The following TMEM108 variants were observed in gnomAD, a reference collection of about 807,000 sequenced individuals.
TMEM108 encodes transmembrane protein 108.
Under a neutral mutation model 35.1 loss-of-function variants are expected in TMEM108, and 12 were observed. That is an observed-to-expected ratio of 0.34 (90% confidence interval 0.22 to 0.55). The LOEUF is 0.55. Among genes scored for constraint, TMEM108 ranks in the 20% least tolerant of loss-of-function variants. The pLI, the probability that TMEM108 is intolerant of heterozygous loss-of-function variation, is 0.89. For missense variants in TMEM108, 680 were observed against 753.3 expected, an observed-to-expected ratio of 0.90 and a Z score of 1.14; for synonymous variants, 287 against 308.6, an observed-to-expected ratio of 0.93 and a Z score of 0.73.
intron 2 of TMEM108, among the ~76,000 whole-genome samples, chr3:133,121,920 T>G (rs1440129166): frequency 6.6e-6 from 1 of 152,180 alleles, no homozygotes; most frequent in Non-Finnish European, 1.5e-5. Flanking sequence ...AAAAAAATAT[T>G]ATACCATGGT....
chr3:133,163,266 C>T (rs1944987167), intron 2 of TMEM108, among the ~76,000 whole-genome samples: 1 of 152,144 alleles, frequency 6.6e-6, no homozygotes, highest in Admixed American at 6.5e-5. Context: ...TCTCCATCCC[C>T]CCTAGAGTAA....
intron 3 of TMEM108, among the ~76,000 whole-genome samples, chr3:133,367,219 T>G (rs1382589846): frequency 6.6e-6 from 1 of 152,200 alleles, no homozygotes; most frequent in African/African-American, 2.4e-5. Flanking sequence ...TAGACCATAG[T>G]GTCATTCTCA....
intron 2 of TMEM108, among the ~76,000 whole-genome samples, chr3:133,094,239 C>CT (rs775145605): frequency 7.8e-6 from 1 of 127,852 alleles, no homozygotes. Flanking sequence ...CCCCACCCCC[C>CT]CCACACACAC....
chr3:133,295,578 C>G (rs1947133598), intron 3 of TMEM108, among the ~76,000 whole-genome samples: 1 of 152,142 alleles, frequency 6.6e-6, no homozygotes, highest in African/African-American at 2.4e-5. Flanking sequence ...TTCAGAAGAG[C>G]AGAAGTGTGC....
At chr3:133,086,052 T>C (rs1313036139) in intron 2 of TMEM108, among the ~76,000 whole-genome samples, 1 of 152,194 alleles carries the variant, frequency 6.6e-6, no homozygotes, top group Non-Finnish European at 1.5e-5. Flanking sequence ...GAAAGCACCA[T>C]TATTGCTTAC....
intron 2 of TMEM108, among the ~76,000 whole-genome samples, chr3:133,133,173 G>A (rs1217339348): frequency 9.5e-6 from 1 of 105,022 alleles, no homozygotes; most frequent in East Asian, 2.5e-4. Context: ...GCAGCAGCAG[G>A]GTTTGAGAGT....
chr3:133,319,034 G>A (rs991206551), intron 3 of TMEM108, among the ~76,000 whole-genome samples: 2 of 152,048 alleles, frequency 1.3e-5, no homozygotes, highest in African/African-American at 4.8e-5. Flanking sequence ...AGAGAGATTG[G>A]CCTCACCAAA....
chr3:133,113,667 T>C (rs4854691), intron 2 of TMEM108, among the ~76,000 whole-genome samples: 15,347 of 152,168 alleles, frequency 0.1, 962 homozygotes, highest in Admixed American at 0.17. Context: ...TGTCCTCACC[T>C]CAACCCACCC....
At chr3:133,213,393 T>C (rs955964776) in intron 2 of TMEM108, among the ~76,000 whole-genome samples, 1 of 152,250 alleles carries the variant, frequency 6.6e-6, no homozygotes, top group Non-Finnish European at 1.5e-5. Context: ...AGCTACTAAG[T>C]GGCAGGCCTG....
intron 2 of TMEM108, among the ~76,000 whole-genome samples, chr3:133,132,014 C>T (rs1207705465): frequency 6.6e-6 from 1 of 152,184 alleles, no homozygotes; most frequent in Non-Finnish European, 1.5e-5. Context: ...CTTTTCAACT[C>T]TCTGAAGGCT....
chr3:133,176,838 A>G (rs1945238757), intron 2 of TMEM108, among the ~76,000 whole-genome samples: 1 of 151,986 alleles, frequency 6.6e-6, no homozygotes, highest in Non-Finnish European at 1.5e-5. Context: ...AAGGAAATAG[A>G]GACACAAAAA....
chr3:133,374,941 A>C (rs551807749), intron 3 of TMEM108, among the ~76,000 whole-genome samples: 1 of 152,236 alleles, frequency 6.6e-6, no homozygotes, highest in African/African-American at 2.4e-5. Flanking sequence ...GAGAGCATAG[A>C]CTCTGCAGCC....
At chr3:133,105,252 G>C (rs1019944465) in intron 2 of TMEM108, among the ~76,000 whole-genome samples, 3 of 152,150 alleles carry the variant, frequency 2.0e-5, no homozygotes, top group South Asian at 4.1e-4. Flanking sequence ...AGATCTGTTA[G>C]CTGGCTGTCA....
intron 3 of TMEM108, among the ~76,000 whole-genome samples, chr3:133,362,871 G>A (rs2072394308): frequency 6.6e-6 from 1 of 152,114 alleles, no homozygotes; most frequent in South Asian, 2.1e-4. Flanking sequence ...CTTTACAAAT[G>A]CAAATTATTT....
chr3:133,302,969 T>C (rs1947251167), intron 3 of TMEM108, among the ~76,000 whole-genome samples: 1 of 152,140 alleles, frequency 6.6e-6, no homozygotes, highest in Non-Finnish European at 1.5e-5. Context: ...GTGGACTCCA[T>C]TTCCTCTGCT....
Position 133,380,417 on chromosome 3 carries a change from A to G in TMEM108, c.706A>G (p.Thr236Ala). Residue 236 changes from threonine to alanine, a missense_variant, in exon 4 of 6, where the codon ACC becomes GCC. By Grantham distance (58) the Thr-to-Ala change is moderately conservative (BLOSUM62 0). This residue lies in a region of TMEM108 where 526 missense variants were observed against 532.1 expected (regional missense o/e 0.99). Transcript: ENST00000321871. This position sits in a 1 kb window ranked among gnomAD's most constrained non-coding sequence, Gnocchi z 5.3. ...TGTGGAACCGGAGCCCTCTACCCTC[A>G]CCCCCAGGACCCCACTCTGGGGCTA... ...GSVEPEPSTL[T>A]PRTPLWGYSS... 1.2e-6 allele frequency: 2 copies of G among 1,612,246 alleles called. No homozygotes were observed. Among genetic ancestry groups the G allele is most frequent in the Non-Finnish European group, 1.7e-6 (2 of 1,179,336 alleles).
intron 3 of TMEM108, among the ~76,000 whole-genome samples, chr3:133,280,084 G>A (rs1946892026): frequency 6.6e-6 from 1 of 151,966 alleles, no homozygotes; most frequent in African/African-American, 2.4e-5. Context: ...GGATTTAAAA[G>A]ATCCCCAGTC....
intron 3 of TMEM108, among the ~76,000 whole-genome samples, chr3:133,255,486 A>G (rs1946532580): frequency 6.6e-6 from 1 of 152,206 alleles, no homozygotes; most frequent in African/African-American, 2.4e-5. Flanking sequence ...GGAATATACT[A>G]TGGAGAAATA....
At chr3:133,389,160 C>T (rs753362422) in intron 4 of TMEM108, 398 of 985,640 alleles carry the variant, frequency 4.0e-4, no homozygotes, top group Non-Finnish European at 4.4e-4. Context: ...ACAGGCCACC[C>T]CACCTCTCTG....
Sources: gnomAD v4.1 joint callset for allele counts (sites outside exome capture counted in the v4.1 genomes callset) on GRCh38, gnomAD v4.1.1 for gene constraint, gnomAD v4.1.1 regional missense constraint, Gnocchi (gnomAD v3.1) non-coding constraint, MANE v1.5 for transcripts, NCBI Gene and HGNC (gene_info 2026-07-23, HGNC 2026-07-21) for gene names.